LDB2: variants seen among roughly 807,000 people sequenced by gnomAD.
LDB2 encodes the protein LIM domain-binding protein 2.
In LDB2, 12 loss-of-function variants were observed where a neutral mutation model predicts 44.3. The observed-to-expected ratio is 0.27, with a 90% CI of 0.17 to 0.44. The LOEUF (loss-of-function observed/expected upper bound fraction) is 0.44, where lower values mean the gene tolerates loss of function less well. Ranked by LOEUF, LDB2 falls within the 20% of genes least tolerant of loss-of-function variation. The probability of loss-of-function intolerance (pLI) is 1.00; values close to 1 mark genes in which losing one functional copy is unlikely to be tolerated. For synonymous variants in LDB2, 164 were observed against 174.8 expected (o/e 0.94, Z 0.49); for missense variants, 344 against 473.5 (o/e 0.73, Z 2.54).
intron 1 of LDB2, among the ~76,000 whole-genome samples, chr4:16,864,413 T>C (rs1713894626): frequency 1.0e-5 from 1 of 97,580 alleles, no homozygotes; most frequent in South Asian, 3.5e-4. Context: ...TGGACTTTCT[T>C]CGCACAGAAA....
intron 2 of LDB2, among the ~76,000 whole-genome samples, chr4:16,739,580 A>G (rs1762540111): frequency 1.2e-5 from 1 of 83,930 alleles, no homozygotes; most frequent in Non-Finnish European, 2.2e-5. Context: ...AGGGAAAAAA[A>G]AAAAAAAAAA....
intron 2 of LDB2, among the ~76,000 whole-genome samples, chr4:16,697,394 G>T (rs1357591426): frequency 1.3e-5 from 2 of 151,518 alleles, no homozygotes; most frequent in Non-Finnish European, 2.9e-5. Flanking sequence ...GGCAGAGCTT[G>T]CAGTGAGCAG....
chr4:16,649,279 T>C (rs920764563), intron 2 of LDB2, among the ~76,000 whole-genome samples: 1 of 152,226 alleles, frequency 6.6e-6, no homozygotes, highest in African/African-American at 2.4e-5. Flanking sequence ...CTCATGATGA[T>C]GTGCATATGT....
intron 1 of LDB2, among the ~76,000 whole-genome samples, chr4:16,790,471 T>C (rs1351328134): frequency 6.6e-6 from 1 of 152,096 alleles, no homozygotes; most frequent in African/African-American, 2.4e-5. Flanking sequence ...ATGATTGATA[T>C]TCAGTAATAG....
At chr4:16,527,277 G>A (rs1210737908) in intron 5 of LDB2, among the ~76,000 whole-genome samples, 2 of 152,178 alleles carry the variant, frequency 1.3e-5, no homozygotes, top group Non-Finnish European at 2.9e-5. Context: ...AGTGCAGCTG[G>A]AGTGAAGAGA....
rs201806149 is a variant in LDB2 at position 16,586,010 on chromosome 4, A to G, written c.532-5T>C. On this transcript the variant is annotated splice_polypyrimidine_tract_variant and splice_region_variant and intron_variant, in intron 4 of 7. Coordinates refer to ENST00000304523, the MANE Select transcript of LDB2 (RefSeq NM_001290.5). The stretch of plus-strand genomic sequence containing the variant: ...CAGGACCTGAGGATCTTGTGCCTAA[A>G]TGGAAAAAAAACCCCACATGTATTT... 6 of 1,611,926 alleles carry G rather than the reference A, an allele frequency of 3.7e-6. No individual in the cohort carries two copies. Among genetic ancestry groups the G allele is most frequent in the East Asian group, 2.2e-5 (1 of 44,850 alleles).
At position 16,631,330 on chromosome 4, in the gene LDB2, G is replaced by A. The variant is rs190448959; in HGVS notation, c.236-35455C>T. Among the ~76,000 whole-genome samples the A allele has an allele frequency of 5.1e-3, 782 of 152,302 alleles. 6 individuals are homozygous for A. The highest frequency in any genetic ancestry group is 0.017 in the Middle Eastern group (5 of 294). ...GAAACTGAACAACCTGCTCCTGAAT[G>A]ACTACTGGGTAAATAATGAAATGAA... On this transcript the variant is annotated intron_variant, in intron 2 of 7. Coordinates refer to ENST00000304523, the MANE Select transcript of LDB2 (RefSeq NM_001290.5).
chr4:16,708,303 G>A (rs917850422), intron 2 of LDB2, among the ~76,000 whole-genome samples: 3 of 152,028 alleles, frequency 2.0e-5, no homozygotes, highest in Non-Finnish European at 2.9e-5. Flanking sequence ...GCAACAGAGC[G>A]AGACCCTGTC....
At chr4:16,517,834 C>T (rs1274745565) in intron 5 of LDB2, among the ~76,000 whole-genome samples, 2 of 152,062 alleles carry the variant, frequency 1.3e-5, no homozygotes, top group African/African-American at 4.8e-5. Context: ...AACACTGACC[C>T]TTTGGTATGA....
rs1282945183 is a variant in LDB2 at position 16,582,896 on chromosome 4, C to T, written c.615+3026G>A. ...CATGCTGGGATGCGACAGGAGGGAACGACAAGAGGGAACAGCAGGTGATTT... is the reference window on the plus strand; with the variant it reads ...CATGCTGGGATGCGACAGGAGGGAATGACAAGAGGGAACAGCAGGTGATTT... On this transcript the variant is annotated intron_variant, in intron 5 of 7. Coordinates refer to ENST00000304523, the MANE Select transcript of LDB2 (RefSeq NM_001290.5). The surrounding 1 kb of genome is among the most constrained non-coding windows in gnomAD (Gnocchi z 4.8). Among the ~76,000 whole-genome samples, 10 of 152,030 alleles carry T rather than the reference C, an allele frequency of 6.6e-5. No individual in the cohort carries two copies. Among genetic ancestry groups the T allele is most frequent in the Non-Finnish European group, 1.2e-4 (8 of 68,024 alleles).
intron 2 of LDB2, among the ~76,000 whole-genome samples, chr4:16,621,658 T>C (rs1001860505): frequency 6.6e-6 from 1 of 152,090 alleles, no homozygotes; most frequent in Non-Finnish European, 1.5e-5. Context: ...GCTCAAACAA[T>C]CCTCCCATCT....
In LDB2 at chr4:16,511,317, G is replaced by T. The variant is rs139219195; in HGVS notation, c.739+664C>A. Among the ~76,000 whole-genome samples the T allele has an allele frequency of 2.0e-3, 311 of 152,206 alleles. 1 individual carries two copies. The highest frequency in any genetic ancestry group is 7.0e-3 in the African/African-American group (289 of 41,518). On this transcript the variant is annotated intron_variant, in intron 6 of 7. Transcript: ENST00000304523. Reference sequence around the variant, plus strand: ...TATATTAGATAGGAAGACAATTAATGATGACTTGAATCGGTGATTTCAGAA... The same window carrying T: ...TATATTAGATAGGAAGACAATTAATTATGACTTGAATCGGTGATTTCAGAA...
Position 16,838,246 on chromosome 4 carries a change from G to C in LDB2, c.132+60108C>G, listed in dbSNP as rs75183048. 2.1e-3 allele frequency among the ~76,000 whole-genome samples: 321 copies of C among 152,258 alleles called. 5 individuals are homozygous for C. The East Asian group carries it at 0.038, about 18-fold the overall frequency. On this transcript the variant is annotated intron_variant, in intron 1 of 7. Transcript: ENST00000304523. ...ATTCCAGGTCCTACGCTAGGAGAGG[G>C]TGACCTTCTCCCTAATTAGGAGAAA... is the stretch of plus-strand genomic sequence containing the variant.
intron 5 of LDB2, among the ~76,000 whole-genome samples, chr4:16,540,010 T>C (rs1733205694): frequency 6.6e-6 from 1 of 152,144 alleles, no homozygotes; most frequent in African/African-American, 2.4e-5. Context: ...TCAGGAAACT[T>C]ATAATCATGG....
At chr4:16,844,840 C>G (rs1370647494) in intron 1 of LDB2, among the ~76,000 whole-genome samples, 1 of 152,176 alleles carries the variant, frequency 6.6e-6, no homozygotes. Flanking sequence ...TTTCTTCCAC[C>G]TGCACTCATT....
At chr4:16,505,768 A>T (rs1560297248) in intron 7 of LDB2, 3 of 1,435,862 alleles carry the variant, frequency 2.1e-6, no homozygotes, top group Non-Finnish European at 2.8e-6. Flanking sequence ...TCCTTGCTGG[A>T]AGCCCGGAGG....
chr4:16,737,761 G>A (rs1260075468), intron 2 of LDB2, among the ~76,000 whole-genome samples: 1 of 152,102 alleles, frequency 6.6e-6, no homozygotes, highest in Non-Finnish European at 1.5e-5. Flanking sequence ...AATCAGAAGG[G>A]TATAAACAAA....
intron 2 of LDB2, among the ~76,000 whole-genome samples, chr4:16,603,267 A>G: frequency 6.6e-6 from 1 of 152,230 alleles, no homozygotes; most frequent in Non-Finnish European, 1.5e-5. Context: ...GACTTCCATA[A>G]TAAGTCCATG....
intron 5 of LDB2, among the ~76,000 whole-genome samples, chr4:16,523,247 C>T (rs1280547381): frequency 6.6e-6 from 1 of 152,048 alleles, no homozygotes; most frequent in East Asian, 1.9e-4. Context: ...CTATATATAC[C>T]ATTTTTTTTA....
Sources: allele counts gnomAD v4.1 joint callset (sites outside exome capture counted in the v4.1 genomes callset), GRCh38; gene constraint gnomAD v4.1.1; non-coding constraint Gnocchi (gnomAD v3.1); transcripts MANE v1.5; gene names NCBI Gene and HGNC (gene_info 2026-07-23, HGNC 2026-07-21).